The following CCDC88A variants were observed in gnomAD, a reference collection of about 807,000 sequenced individuals.
CCDC88A encodes the protein girdin.
CCDC88A carries 54 observed loss-of-function variants against 234.3 expected under a neutral mutation model. The observed-to-expected ratio is 0.23, with a 90% CI of 0.19 to 0.29. The LOEUF is 0.29. Among genes scored for constraint, CCDC88A ranks in the 10% least tolerant of loss-of-function variants. The pLI is 1.00. For missense variants in CCDC88A, 1,832 were observed against 2,123.4 expected, an observed-to-expected ratio of 0.86 and a Z score of 2.70; for synonymous variants, 753 against 737.8, an observed-to-expected ratio of 1.02 and a Z score of -0.33.
chr2:55,302,136 G>T, intron 26 of CCDC88A, 64 bp from the exon 27 acceptor site: 1 of 1,326,052 alleles, frequency 7.5e-7, no homozygotes, highest in South Asian at 1.2e-5. Flanking sequence ...TTTCTATTTT[G>T]TAGTACAAAT....
In CCDC88A at chr2:55,328,454, A is replaced by C; in HGVS notation, c.2856-19T>G. 6.8e-7 allele frequency: 1 copy of C among 1,479,342 alleles called. No homozygotes were observed. The highest frequency in any genetic ancestry group is 1.3e-5 in the South Asian group (1 of 74,622). 91.6% of individuals were successfully genotyped at this position (1,479,342 alleles called of 1,614,324 possible). A position where few individuals can be genotyped will look rare whatever the true frequency, so the allele number is the denominator to read the frequency against. On this transcript the variant is annotated intron_variant, in intron 16 of 32. Transcript: ENST00000436346. This position sits in a 1 kb window ranked among gnomAD's most constrained non-coding sequence, Gnocchi z 4.3. ...ATACCTACTATCCAAGTACAAAGTA[A>C]TGTAGTTCATTATTGGAGGTCAGAA...
chr2:55,402,838 T>C (rs1236830804), intron 2 of CCDC88A, among the ~76,000 whole-genome samples: 1 of 151,622 alleles, frequency 6.6e-6, no homozygotes, highest in African/African-American at 2.4e-5. Flanking sequence ...TGAAACCCCA[T>C]CTCTACTAAA....
intron 2 of CCDC88A, among the ~76,000 whole-genome samples, chr2:55,407,906 C>A (rs933177722): frequency 6.8e-6 from 1 of 147,848 alleles, no homozygotes; most frequent in Non-Finnish European, 1.5e-5. Context: ...TTAGTAGAGA[C>A]GGGGTTTCAC....
chr2:55,375,482 T>C (rs1481070402), intron 3 of CCDC88A, among the ~76,000 whole-genome samples: 1 of 11,066 alleles, frequency 9.0e-5, no homozygotes, highest in Non-Finnish European at 2.4e-4. Context: ...TATATATATA[T>C]ATATATATAT....
In CCDC88A at chr2:55,289,175, G is replaced by A. The variant is rs1031028415; in HGVS notation, c.*2025C>T. The A allele has an allele frequency of 1.3e-5, 2 of 152,558 alleles. No individual in the cohort carries two copies. Among genetic ancestry groups the A allele is most frequent in the Non-Finnish European group, 2.9e-5 (2 of 68,012 alleles). The allele number at this position is 152,558 out of a possible 1,614,324, so 9.5% of individuals were successfully genotyped here. ...TATTTTAGGATATTAGTGTTCTGGA[G>A]AGGTCAAGCTGTAATGTCATTCGCC... On this transcript the variant is annotated 3_prime_UTR_variant, in exon 33 of 33. Coordinates refer to ENST00000436346, the MANE Select transcript of CCDC88A (RefSeq NM_001365480.1).
intron 2 of CCDC88A, among the ~76,000 whole-genome samples, chr2:55,395,992 A>G (rs750222510): frequency 1.3e-5 from 2 of 152,222 alleles, no homozygotes; most frequent in Non-Finnish European, 2.9e-5. Flanking sequence ...ACAAAGACAA[A>G]CAGCAGCATG....
intron 7 of CCDC88A, among the ~76,000 whole-genome samples, chr2:55,360,907 G>C (rs751269711): frequency 1.1e-4 from 17 of 152,144 alleles, no homozygotes; most frequent in Admixed American, 7.2e-4. Context: ...TGGCCAACAT[G>C]GCCAAACCCT....
At position 55,319,000 on chromosome 2, in the gene CCDC88A, G is replaced by A; in HGVS notation, c.3167C>T (p.Ala1056Val). The change falls in exon 19 of 33, where the codon GCT (alanine) becomes GTT (valine). Residue 1056 changes from alanine (A) to valine (V), a missense_variant. Physicochemically the swap from Ala to Val is moderately conservative, Grantham distance 64. Around this residue, in one of 6 missense-constraint regions of CCDC88A, gnomAD observed 1,282 missense variants for 1,543.6 expected, o/e 0.83. Coordinates refer to ENST00000436346, the MANE Select transcript of CCDC88A (RefSeq NM_001365480.1). ...CGCTTGCTTCTCTGCTTGCAGTGTA[G>A]CATTCTTGAAAAACAAAAACCAAAA... ...DRLIEVERNN[A>V]TLQAEKQALK... The A allele has an allele frequency of 6.2e-7, 1 of 1,610,754 alleles. No individual in the cohort carries two copies. Among genetic ancestry groups the A allele is most frequent in the Non-Finnish European group, 8.5e-7 (1 of 1,178,132 alleles).
At chr2:55,370,518 A>T (rs1466772159) in intron 5 of CCDC88A, among the ~76,000 whole-genome samples, 3 of 151,630 alleles carry the variant, frequency 2.0e-5, no homozygotes, top group Admixed American at 2.0e-4. Flanking sequence ...GCACACATCT[A>T]TCATCCCAGC....
chr2:55,344,291 G>A (rs1668842378), intron 11 of CCDC88A, 77 bp downstream of exon 11: 1 of 1,043,738 alleles, frequency 9.6e-7, no homozygotes, highest in African/African-American at 1.6e-5. Context: ...AGCCATCCTT[G>A]CCAATACAGG....
Position 55,384,548 on chromosome 2 carries a change from TGTGTATATATAC to T in CCDC88A, c.273+4218_273+4229del, listed in dbSNP as rs2104870881. Among the ~76,000 whole-genome samples the T allele has an allele frequency of 4.8e-5, 3 of 62,522 alleles. 1 individual carries two copies. The highest frequency in any genetic ancestry group is 2.1e-4 in the African/African-American group (3 of 14,032). The allele number at this position is 62,522 out of a possible 152,430, so 41.0% of individuals were successfully genotyped here. ...ATATATATACATATATACGTATATA[TGTGTATATATAC>T]ACATATATACGTATATATGTGTATA... On this transcript the variant is annotated intron_variant, in intron 3 of 32. Coordinates refer to ENST00000436346, the MANE Select transcript of CCDC88A (RefSeq NM_001365480.1).
chr2:55,394,394 G>A (rs1022592258), intron 2 of CCDC88A: 1 of 152,018 alleles, frequency 6.6e-6, no homozygotes, highest in Non-Finnish European at 1.5e-5. Flanking sequence ...ATAAACATAC[G>A]TTTGCATGTG....
chr2:55,352,854 G>A (rs1214169675), intron 8 of CCDC88A, among the ~76,000 whole-genome samples: 4 of 151,996 alleles, frequency 2.6e-5, no homozygotes, highest in Admixed American at 6.6e-5. Context: ...ATTACTTATT[G>A]TATAGTTTCC....
At chr2:55,336,550 AC>A in intron 14 of CCDC88A, 130 bp downstream of exon 14, 1 of 555,358 alleles carries the variant, frequency 1.8e-6, no homozygotes, top group Non-Finnish European at 2.9e-6. Flanking sequence ...AATTATAATT[AC>A]TTTAAAATAA....
rs1314754937 is a variant in CCDC88A at position 55,309,600 on chromosome 2, T to G, written c.4080-346A>C. On this transcript the variant is annotated intron_variant, in intron 23 of 32. Transcript: ENST00000436346. The surrounding 1 kb of genome is among the most constrained non-coding windows in gnomAD (Gnocchi z 5.1). ...ATATTTTTCTTTTCGGCAGAATTAC[T>G]TAGGTTTGATTTACTTGTAGAGAAC... Among the ~76,000 whole-genome samples, 1 of 152,206 alleles carries G rather than the reference T, an allele frequency of 6.6e-6. No individual in the cohort carries two copies. Among genetic ancestry groups the G allele is most frequent in the Non-Finnish European group, 1.5e-5 (1 of 68,030 alleles).
chr2:55,322,564 C>T lies in CCDC88A; in HGVS notation c.3126G>A (p.Leu1042=). ...CTTCAATTAATCTGTCTTTAACTTTCAGAAGTTCTCTAGTCGTTTCTTGAC... is the reference window on the plus strand; with the variant it reads ...CTTCAATTAATCTGTCTTTAACTTTTAGAAGTTCTCTAGTCGTTTCTTGAC... The part of the protein sequence containing the change: ...RESQETTREL[L]KVKDRLIEVE... The change falls in exon 18 of 33, where the codon CTG becomes CTA. Residue 1042 remains leucine, a synonymous_variant. Coordinates refer to ENST00000436346, the MANE Select transcript of CCDC88A (RefSeq NM_001365480.1). 6.2e-7 allele frequency: 1 copy of T among 1,603,966 alleles called. No homozygotes were observed. The highest frequency in any genetic ancestry group is 8.5e-7 in the Non-Finnish European group (1 of 1,173,946).
intron 29 of CCDC88A, among the ~76,000 whole-genome samples, chr2:55,298,229 A>T (rs1304940333): frequency 6.6e-6 from 1 of 152,184 alleles, no homozygotes; most frequent in Admixed American, 6.5e-5. Context: ...CCACGAAAGA[A>T]TTTGGCTCAA....
At chr2:55,409,343 G>A (rs1680087543) in intron 2 of CCDC88A, among the ~76,000 whole-genome samples, 1 of 152,084 alleles carries the variant, frequency 6.6e-6, no homozygotes, top group Non-Finnish European at 1.5e-5. Context: ...CTCCTACGGA[G>A]CTCTCATGTC....
At chr2:55,402,432 T>G (rs10184756) in intron 2 of CCDC88A, among the ~76,000 whole-genome samples, 125,298 of 152,068 alleles carry the variant, frequency 0.82, 52,675 homozygotes, top group Admixed American at 0.92. Flanking sequence ...AATTATTTGA[T>G]TGGCATATTC....
Sources: gnomAD v4.1 joint callset for allele counts (sites outside exome capture counted in the v4.1 genomes callset) on GRCh38, gnomAD v4.1.1 for gene constraint, gnomAD v4.1.1 regional missense constraint, Gnocchi (gnomAD v3.1) non-coding constraint, MANE v1.5 for transcripts, NCBI Gene and HGNC (gene_info 2026-07-23, HGNC 2026-07-21) for gene names.